Variants in ADGRB3 observed in about 807,000 individuals in gnomAD.
The protein encoded by ADGRB3 is brain-specific angiogenesis inhibitor 3.
A neutral mutation model predicts 193.4 loss-of-function variants in ADGRB3; 37 were observed. The observed-to-expected ratio is 0.19, with a 90% CI of 0.15 to 0.25. ADGRB3 has a LOEUF of 0.25. ADGRB3 is among the 10% of genes least tolerant of loss of function. The pLI, the probability that ADGRB3 is intolerant of heterozygous loss-of-function variation, is 1.00. For synonymous variants in ADGRB3, 690 were observed against 644.2 expected (o/e 1.07, Z -1.08); for missense variants, 1,637 against 1,852.9 (o/e 0.88, Z 2.14).
chr6:68,810,349 G>T (rs914506711), intron 3 of ADGRB3, among the ~76,000 whole-genome samples: 1 of 152,140 alleles, frequency 6.6e-6, no homozygotes, highest in African/African-American at 2.4e-5. Flanking sequence ...GAGAACCATT[G>T]CCCTGGACAC....
At chr6:68,968,361 T>A in intron 8 of ADGRB3, among the ~76,000 whole-genome samples, 1 of 152,286 alleles carries the variant, frequency 6.6e-6, no homozygotes, top group East Asian at 1.9e-4. Context: ...TGTGAAAAAC[T>A]TTCTGATACC....
intron 3 of ADGRB3, among the ~76,000 whole-genome samples, chr6:68,799,496 C>A (rs966522908): frequency 1.3e-5 from 2 of 152,046 alleles, no homozygotes; most frequent in South Asian, 2.1e-4. Context: ...AAAACAAGTT[C>A]TCTGTTCTTA....
chr6:69,317,461 G>C (rs534783901), intron 20 of ADGRB3, among the ~76,000 whole-genome samples: 1 of 151,460 alleles, frequency 6.6e-6, no homozygotes, highest in Non-Finnish European at 1.5e-5. Context: ...ACAATGCTGA[G>C]CTGTGTTGGC....
At chr6:68,933,952 A>T (rs147543310) in intron 4 of ADGRB3, among the ~76,000 whole-genome samples, 1 of 152,148 alleles carries the variant, frequency 6.6e-6, no homozygotes, top group African/African-American at 2.4e-5. Flanking sequence ...TAAAAACAGT[A>T]TACTTTGTCT....
At chr6:68,823,942 T>A (rs1767793168) in intron 3 of ADGRB3, among the ~76,000 whole-genome samples, 1 of 152,172 alleles carries the variant, frequency 6.6e-6, no homozygotes, top group African/African-American at 2.4e-5. Flanking sequence ...TCTGAGAACT[T>A]CAGTTTTTAT....
chr6:69,199,241 C>T (rs1765369110), intron 17 of ADGRB3, among the ~76,000 whole-genome samples: 1 of 152,108 alleles, frequency 6.6e-6, no homozygotes, highest in Non-Finnish European at 1.5e-5. Context: ...AAAAGCTTTT[C>T]AATAGACCAA....
rs140042547 is a variant in ADGRB3 at position 69,115,986 on chromosome 6, T to C, written c.2480+39948T>C. On this transcript the variant is annotated intron_variant, in intron 17 of 31. Transcript: ENST00000370598. ...TTGCACAATTATGGAGGCTGGTAAG[T>C]CTGAATTTGTAGAGTAGGCTATCGA... Among the ~76,000 whole-genome samples the C allele has an allele frequency of 3.2e-3, 485 of 152,334 alleles. 3 individuals are homozygous for C. The highest frequency in any genetic ancestry group is 0.011 in the African/African-American group (439 of 41,568).
chr6:69,354,512 A>T (rs1480998574), intron 27 of ADGRB3, among the ~76,000 whole-genome samples, 184 bp downstream of exon 27: 3 of 152,210 alleles, frequency 2.0e-5, no homozygotes, highest in South Asian at 2.1e-4. Flanking sequence ...AGTCCAGGAC[A>T]TGTTGTTGGC....
intron 29 of ADGRB3, among the ~76,000 whole-genome samples, chr6:69,366,598 T>C (rs926280364): frequency 2.0e-5 from 3 of 152,128 alleles, no homozygotes; most frequent in South Asian, 2.1e-4. Flanking sequence ...TTTCTCACTT[T>C]TAAATCATCG....
At chr6:68,996,624 G>A (rs1582380875) in intron 11 of ADGRB3, among the ~76,000 whole-genome samples, 1 of 152,238 alleles carries the variant, frequency 6.6e-6, no homozygotes, top group East Asian at 1.9e-4. Context: ...TTGGCTCTGG[G>A]TCTTTGCTTC....
At chr6:68,808,270 G>A (rs1767445638) in intron 3 of ADGRB3, among the ~76,000 whole-genome samples, 1 of 152,072 alleles carries the variant, frequency 6.6e-6, no homozygotes. Flanking sequence ...TCATCATCAT[G>A]TTTTGGTAAT....
At chr6:68,775,544 G>T (rs1168964610) in intron 3 of ADGRB3, among the ~76,000 whole-genome samples, 2 of 152,126 alleles carry the variant, frequency 1.3e-5, no homozygotes, top group Non-Finnish European at 2.9e-5. Context: ...TCTCATGCTT[G>T]TCCTTTATAT....
intron 17 of ADGRB3, among the ~76,000 whole-genome samples, chr6:69,120,215 A>G (rs1484721714): frequency 6.6e-6 from 1 of 152,168 alleles, no homozygotes; most frequent in East Asian, 1.9e-4. Flanking sequence ...GAGGTTATGA[A>G]TTTGTGTACT....
At chr6:68,664,869 C>T (rs1356328481) in intron 3 of ADGRB3, among the ~76,000 whole-genome samples, 1 of 151,734 alleles carries the variant, frequency 6.6e-6, no homozygotes, top group African/African-American at 2.4e-5. Context: ...GAAGTGAGCA[C>T]AAGGAGAGTG....
chr6:69,145,331 A>G (rs1774457971), intron 17 of ADGRB3, among the ~76,000 whole-genome samples: 1 of 152,190 alleles, frequency 6.6e-6, no homozygotes, highest in Non-Finnish European at 1.5e-5. Flanking sequence ...CTGCAGCTGG[A>G]CAAGGTGTCC....
intron 3 of ADGRB3, among the ~76,000 whole-genome samples, chr6:68,761,504 C>T (rs533568176): frequency 1.3e-5 from 2 of 151,330 alleles, no homozygotes; most frequent in Admixed American, 6.6e-5. Flanking sequence ...CTTTGGTGTC[C>T]TCTGCAGGCT....
intron 23 of ADGRB3, 57 bp from the exon 24 acceptor site, chr6:69,332,866 C>T: frequency 6.3e-7 from 1 of 1,594,704 alleles, no homozygotes; most frequent in Non-Finnish European, 8.5e-7. Context: ...TCAGGAGAAA[C>T]AGGGACCTGA....
At chr6:69,101,080 G>T (rs1394863526) in intron 17 of ADGRB3, among the ~76,000 whole-genome samples, 1 of 151,496 alleles carries the variant, frequency 6.6e-6, no homozygotes, top group Non-Finnish European at 1.5e-5. Context: ...ATTAAAATAA[G>T]ATTTTATGTC....
intron 17 of ADGRB3, among the ~76,000 whole-genome samples, chr6:69,081,288 A>G (rs188297215): frequency 6.6e-6 from 1 of 152,098 alleles, no homozygotes; most frequent in Admixed American, 6.6e-5. Flanking sequence ...AGACCTTTAC[A>G]TTATCAAAAT....
Sources: gnomAD v4.1 joint callset for allele counts (sites outside exome capture counted in the v4.1 genomes callset) on GRCh38, gnomAD v4.1.1 for gene constraint, MANE v1.5 for transcripts, NCBI Gene and HGNC (gene_info 2026-07-23, HGNC 2026-07-21) for gene names.